Variants in NRXN3 observed in about 807,000 individuals in gnomAD.
The protein encoded by NRXN3 is neurexin 3, also known as neurexin III.
NRXN3 carries 32 observed loss-of-function variants against 137.6 expected under a neutral mutation model. The ratio of observed to expected loss-of-function variants is 0.23; its 90% confidence interval spans 0.18 to 0.31. The LOEUF is 0.31. Among genes scored for constraint, NRXN3 ranks in the 10% least tolerant of loss-of-function variants. The pLI, the probability that NRXN3 is intolerant of heterozygous loss-of-function variation, is 1.00. For missense variants in NRXN3, 1,574 were observed against 2,062.5 expected (o/e 0.76, Z 4.59); for synonymous variants, 798 against 784.5 (o/e 1.02, Z -0.29).
intron 1 of NRXN3, among the ~76,000 whole-genome samples, chr14:78,174,695 A>G (rs2059095770): frequency 6.6e-6 from 1 of 152,086 alleles, no homozygotes; most frequent in Non-Finnish European, 1.5e-5. Context: ...TGTGGTAGTG[A>G]CGGGGAAGGA....
rs910435745 is a variant in NRXN3, at chr14:79,438,529, TTAGAC to T, written c.3263-28687_3263-28683del. Among the ~76,000 whole-genome samples the T allele has an allele frequency of 2.3e-4, 35 of 152,250 alleles. 1 individual carries two copies. Among genetic ancestry groups the T allele is most frequent in the African/African-American group, 8.4e-4 (35 of 41,512 alleles). On this transcript the variant is annotated intron_variant, in intron 15 of 20. Transcript: ENST00000335750. ...TGATGTTTGTCTGCCTATGAATAGT[TTAGAC>T]TAGATTTTTCAAGTAAGCACTTTAT...
chr14:79,298,901 G>A (rs1037121671), intron 15 of NRXN3: 13 of 152,266 alleles, frequency 8.5e-5, no homozygotes, highest in African/African-American at 2.4e-4. Flanking sequence ...TAAATAGGAT[G>A]AGCAAAGGCA....
At position 79,378,960 on chromosome 14, in the gene NRXN3, T is replaced by C. The variant is rs142540345; in HGVS notation, c.3263-88261T>C. ...GATCCATGTGGTCTTTTGTTTTGGA[T>C]TGATTGTAGGGACTAAAGAAGTACT... On this transcript the variant is annotated intron_variant, in intron 15 of 20. Coordinates refer to ENST00000335750, the MANE Select transcript of NRXN3 (RefSeq NM_001330195.2). Among the ~76,000 whole-genome samples, 58 of 152,156 alleles carry C rather than the reference T, an allele frequency of 3.8e-4. 1 individual carries two copies. The highest frequency in any genetic ancestry group is 3.4e-3 in the Middle Eastern group (1 of 294).
intron 15 of NRXN3, among the ~76,000 whole-genome samples, chr14:79,075,770 C>G (rs1341173763): frequency 1.3e-5 from 2 of 152,130 alleles, no homozygotes; most frequent in African/African-American, 4.8e-5. Context: ...TTTCAAGTAG[C>G]TTTACAAAGA....
intron 10 of NRXN3, among the ~76,000 whole-genome samples, chr14:78,861,629 C>T (rs1052712719): frequency 6.6e-6 from 1 of 152,136 alleles, no homozygotes; most frequent in Non-Finnish European, 1.5e-5. Context: ...AATAGACATA[C>T]ATGATGCTGT....
chr14:79,387,976 A>G, intron 15 of NRXN3, among the ~76,000 whole-genome samples: 1 of 123,574 alleles, frequency 8.1e-6, no homozygotes, highest in Non-Finnish European at 1.7e-5. Context: ...GGGGGGAGGG[A>G]TAGCATTAGG....
chr14:78,319,326 G>A (rs567894736), intron 4 of NRXN3, among the ~76,000 whole-genome samples: 1 of 152,260 alleles, frequency 6.6e-6, no homozygotes, highest in African/African-American at 2.4e-5. Flanking sequence ...GAAACATGGA[G>A]GTCATGGCAT....
chr14:79,561,993 G>A (rs796496188), intron 16 of NRXN3, among the ~76,000 whole-genome samples: 3 of 152,226 alleles, frequency 2.0e-5, no homozygotes, highest in Non-Finnish European at 4.4e-5. Flanking sequence ...TTTAATGACA[G>A]TTCATGGTGT....
At chr14:78,978,988 C>T (rs1184488113) in intron 14 of NRXN3, among the ~76,000 whole-genome samples, 2 of 151,784 alleles carry the variant, frequency 1.3e-5, no homozygotes, top group African/African-American at 4.8e-5. Context: ...CACAAGTGTC[C>T]AATGTCTGAG....
At chr14:78,414,182 A>G (rs560761595) in intron 4 of NRXN3, among the ~76,000 whole-genome samples, 2 of 151,392 alleles carry the variant, frequency 1.3e-5, no homozygotes, top group Admixed American at 6.6e-5. Context: ...AGGCTAATAC[A>G]CCATCCTTTT....
chr14:78,209,582 G>A (rs761509047), intron 1 of NRXN3, among the ~76,000 whole-genome samples: 4 of 152,154 alleles, frequency 2.6e-5, no homozygotes, highest in Admixed American at 2.0e-4. Context: ...AGGTAAGAGA[G>A]AGCTAGCAAG....
intron 17 of NRXN3, among the ~76,000 whole-genome samples, chr14:79,684,770 T>C (rs1028475878): frequency 1.3e-5 from 2 of 152,140 alleles, no homozygotes; most frequent in Non-Finnish European, 2.9e-5. Context: ...TTTGATGTTC[T>C]CTACTTAGAA....
intron 8 of NRXN3, among the ~76,000 whole-genome samples, chr14:78,753,373 G>T (rs2098652219): frequency 6.6e-6 from 1 of 152,176 alleles, no homozygotes; most frequent in South Asian, 2.1e-4. Context: ...TTTCACAGAC[G>T]CTGAAACTGC....
chr14:79,591,670 A>G (rs1316726103), intron 16 of NRXN3, among the ~76,000 whole-genome samples: 1 of 152,190 alleles, frequency 6.6e-6, no homozygotes, highest in East Asian at 1.9e-4. Context: ...TATTGAATAC[A>G]AAAGAGATTT....
chr14:79,139,698 A>T (rs2058608728), intron 15 of NRXN3, among the ~76,000 whole-genome samples: 1 of 151,980 alleles, frequency 6.6e-6, no homozygotes, highest in African/African-American at 2.4e-5. Flanking sequence ...ATTGGTGATT[A>T]AATTCCTGAG....
At chr14:79,416,892 T>C (rs1215783035) in intron 15 of NRXN3, among the ~76,000 whole-genome samples, 1 of 152,188 alleles carries the variant, frequency 6.6e-6, no homozygotes, top group Non-Finnish European at 1.5e-5. Context: ...ACCAGAAATA[T>C]GGTTAGCCAT....
At chr14:78,810,284 CA>C in intron 9 of NRXN3, 33 bp from the exon 10 acceptor site, 1 of 1,398,150 alleles carries the variant, frequency 7.2e-7, no homozygotes, top group South Asian at 1.3e-5. Flanking sequence ...TTGAAGGATG[CA>C]ATTTCATCTT....
chr14:79,097,494 G>A (rs1419787546), intron 15 of NRXN3, among the ~76,000 whole-genome samples: 1 of 152,116 alleles, frequency 6.6e-6, no homozygotes, highest in African/African-American at 2.4e-5. Context: ...TTTCAAGAAA[G>A]AATTTCTGAC....
At chr14:78,579,422 T>C (rs1483794964) in intron 4 of NRXN3, among the ~76,000 whole-genome samples, 1 of 152,118 alleles carries the variant, frequency 6.6e-6, no homozygotes, top group African/African-American at 2.4e-5. Flanking sequence ...CTAGTCCTCA[T>C]TTCCAAGCTG....
Sources: gnomAD v4.1 joint callset for allele counts (sites outside exome capture counted in the v4.1 genomes callset) on GRCh38, gnomAD v4.1.1 for gene constraint, MANE v1.5 for transcripts, NCBI Gene and HGNC (gene_info 2026-07-23, HGNC 2026-07-21) for gene names.